The following ELF2 variants were observed in gnomAD, a reference collection of about 807,000 sequenced individuals.
ELF2 encodes ETS-related transcription factor Elf-2.
In ELF2, 11 loss-of-function variants were observed where a neutral mutation model predicts 54.8. The observed-to-expected ratio is 0.20, with a 90% CI of 0.13 to 0.33. The LOEUF is 0.33. Ranked by LOEUF, ELF2 falls within the 10% of genes least tolerant of loss-of-function variation. ELF2 has a pLI of 1.00. For missense variants in ELF2, 513 were observed against 703.0 expected, an observed-to-expected ratio of 0.73 and a Z score of 3.06; for synonymous variants, 203 against 245.1, an observed-to-expected ratio of 0.83 and a Z score of 1.61.
intron 1 of ELF2, among the ~76,000 whole-genome samples, chr4:139,169,067 G>A (rs1308402575): frequency 6.6e-6 from 1 of 152,088 alleles, no homozygotes; most frequent in African/African-American, 2.4e-5. Flanking sequence ...ACTTTGGGAG[G>A]CCGAGACAGG....
At chr4:139,109,156 TA>T (rs1404993064) in intron 4 of ELF2, among the ~76,000 whole-genome samples, 1 of 152,104 alleles carries the variant, frequency 6.6e-6, no homozygotes, top group Non-Finnish European at 1.5e-5. Flanking sequence ...GATGCTTCAA[TA>T]ATTTCAAAAA....
At position 139,152,919 on chromosome 4, in the gene ELF2, A is replaced by T. The variant is rs1309160985; in HGVS notation, c.-251-13422T>A. On this transcript the variant is annotated intron_variant, in intron 1 of 9. Coordinates refer to ENST00000686138, the MANE Select transcript of ELF2 (RefSeq NM_001331036.3). The stretch of plus-strand genomic sequence containing the variant: ...TTTTTTTTTTTTTTTTTTTTGAGAC[A>T]GAGTCTTGGTCTGTCGCCCAGGCTG... Among the ~76,000 whole-genome samples the T allele has an allele frequency of 1.7e-4, 23 of 133,116 alleles. 1 individual carries two copies. Among genetic ancestry groups the T allele is most frequent in the African/African-American group, 5.8e-4 (20 of 34,478 alleles). 87.3% of individuals were successfully genotyped at this position (133,116 alleles called of 152,430 possible).
intron 7 of ELF2, chr4:139,067,025 G>C (rs563685826): frequency 7.9e-5 from 12 of 152,114 alleles, no homozygotes. Context: ...TATAGTCCCA[G>C]CACTTTCAGA....
At position 139,127,038 on chromosome 4, in the gene ELF2, T is replaced by C. The variant is rs536158497; in HGVS notation, c.73-1709A>G. 1.1e-3 allele frequency among the ~76,000 whole-genome samples: 164 copies of C among 152,312 alleles called. 1 individual carries two copies. The highest frequency in any genetic ancestry group is 5.1e-3 in the Admixed American group (78 of 15,290). ...GCATGATGAACTGTCATTACTACGA[T>C]AACCATTGACCTTGTTCCTAAGGAC... On this transcript the variant is annotated intron_variant, in intron 3 of 9. Transcript: ENST00000686138.
chr4:139,061,848 C>T lies in ELF2; in HGVS notation c.806+17G>A. On this transcript the variant is annotated intron_variant, in intron 8 of 9. Coordinates refer to ENST00000686138, the MANE Select transcript of ELF2 (RefSeq NM_001331036.3). ...TACATAAATTTTGTTTGAATACTAG[C>T]TCATTTGAGTTTTTACCTCAAAGCT... 3 of 1,609,730 alleles carry T rather than the reference C, an allele frequency of 1.9e-6. No individual in the cohort carries two copies. Among genetic ancestry groups the T allele is most frequent in the Non-Finnish European group, 2.5e-6 (3 of 1,178,660 alleles).
At chr4:139,097,984 G>C (rs1013234284) in intron 4 of ELF2, among the ~76,000 whole-genome samples, 14 of 152,190 alleles carry the variant, frequency 9.2e-5, no homozygotes, top group Non-Finnish European at 2.1e-4. Context: ...ACCGGCATGA[G>C]CTGCCATGCC....
intron 6 of ELF2, 81 bp downstream of exon 6, chr4:139,071,785 A>T: frequency 7.8e-7 from 1 of 1,287,406 alleles, no homozygotes; most frequent in Non-Finnish European, 1.1e-6. Flanking sequence ...AGCATATACT[A>T]CTTTCTATGT....
chr4:139,172,354 T>TA (rs1742392947), intron 1 of ELF2, among the ~76,000 whole-genome samples: 1 of 152,198 alleles, frequency 6.6e-6, no homozygotes, highest in African/African-American at 2.4e-5. Flanking sequence ...ATCTACGTTT[T>TA]AAATTGAGTG....
chr4:139,108,014 G>A (rs528342523), intron 4 of ELF2, among the ~76,000 whole-genome samples: 41 of 151,994 alleles, frequency 2.7e-4, no homozygotes, highest in African/African-American at 9.6e-4. Context: ...GTGAGAATGT[G>A]TATCTTTAAG....
chr4:139,066,075 A>C (rs1728667502), intron 7 of ELF2: 1 of 136,574 alleles, frequency 7.3e-6, no homozygotes, highest in South Asian at 2.3e-4. Flanking sequence ...CTTACTGGAG[A>C]CAATTTTTTT....
At chr4:139,156,841 C>A (rs959625639) in intron 1 of ELF2, among the ~76,000 whole-genome samples, 1 of 151,992 alleles carries the variant, frequency 6.6e-6, no homozygotes, top group Non-Finnish European at 1.5e-5. Context: ...ACCATGTTGG[C>A]CAGGCTGGTC....
chr4:139,138,718 T>C (rs147340095), intron 2 of ELF2, among the ~76,000 whole-genome samples: 76 of 152,318 alleles, frequency 5.0e-4, no homozygotes, highest in Non-Finnish European at 8.1e-4. Context: ...GTAAGAGAGA[T>C]TTATTTGAAT....
intron 1 of ELF2, among the ~76,000 whole-genome samples, chr4:139,153,871 AC>A (rs914022402): frequency 2.0e-5 from 3 of 152,028 alleles, no homozygotes; most frequent in African/African-American, 7.2e-5. Context: ...CTTTCAGTCT[AC>A]CCCCTCCTTT....
At chr4:139,121,468 C>T (rs114847839) in intron 4 of ELF2, among the ~76,000 whole-genome samples, 1,912 of 151,824 alleles carry the variant, frequency 0.013, 12 homozygotes, top group East Asian at 0.039. Context: ...TTGGTATAAA[C>T]GTGGTGCTTG....
At chr4:139,085,835 G>C (rs1578751673) in intron 4 of ELF2, among the ~76,000 whole-genome samples, 1 of 152,170 alleles carries the variant, frequency 6.6e-6, no homozygotes, top group East Asian at 1.9e-4. Context: ...TCAAGTCTAA[G>C]GCAGGCCATT....
Position 139,059,564 on chromosome 4 carries a change from A to G in ELF2, c.1201T>C (p.Leu401=), listed in dbSNP as rs1351165726. The G allele has an allele frequency of 4.3e-6, 7 of 1,613,292 alleles. No homozygotes were observed. The highest frequency in any genetic ancestry group is 4.0e-5 in the African/African-American group (3 of 74,920). ...AMQVPVVMTS[L]GQKISTVAVQ... ...GCCACAGTTGAAATTTTCTGACCCA[A>G]TGATGTCATTACAACAGGTACCTGC... Residue 401 remains leucine (L), a synonymous_variant, in exon 10 of 10, where the codon TTG becomes CTG. Coordinates refer to ENST00000686138, the MANE Select transcript of ELF2 (RefSeq NM_001331036.3).
At chr4:139,067,876 T>C in intron 6 of ELF2, 106 bp from the exon 7 acceptor site, 2 of 1,075,430 alleles carry the variant, frequency 1.9e-6, no homozygotes, top group Non-Finnish European at 2.7e-6. Context: ...TGGATACTAA[T>C]TTGTAGATGA....
intron 4 of ELF2, among the ~76,000 whole-genome samples, chr4:139,102,685 A>T (rs1268888401): frequency 1.1e-5 from 1 of 91,914 alleles, no homozygotes; most frequent in Non-Finnish European, 2.5e-5. Context: ...TACTAAAAAT[A>T]AAAAAATTAG....
intron 4 of ELF2, among the ~76,000 whole-genome samples, chr4:139,082,734 C>T (rs954390061): frequency 6.6e-6 from 1 of 152,178 alleles, no homozygotes; most frequent in Admixed American, 6.5e-5. Flanking sequence ...TTACTGTTCC[C>T]TGAGTATTTC....
Sources: gnomAD v4.1 joint callset for allele counts (sites outside exome capture counted in the v4.1 genomes callset) on GRCh38, gnomAD v4.1.1 for gene constraint, MANE v1.5 for transcripts, NCBI Gene and HGNC (gene_info 2026-07-23, HGNC 2026-07-21) for gene names.